The following TRPM2 variants were observed in gnomAD, a reference collection of about 807,000 sequenced individuals.
TRPM2 encodes estrogen-responsive element-associated gene 1 protein.
TRPM2 carries 161 observed loss-of-function variants against 174.0 expected under a neutral mutation model. That is an observed-to-expected ratio of 0.93 (90% CI 0.81 to 1.05). The LOEUF (loss-of-function observed/expected upper bound fraction) is 1.05, where lower values mean the gene tolerates loss of function less well. TRPM2 is among the 50% of genes least tolerant of loss of function. The probability of loss-of-function intolerance (pLI) is 0.00; values close to 1 mark genes in which losing one functional copy is unlikely to be tolerated. For missense variants in TRPM2, 2,057 were observed against 2,038.0 expected (o/e 1.01, Z -0.18); for synonymous variants, 954 against 861.3 (o/e 1.11, Z -1.88).
At chr21:44,359,388 C>G (rs2048148397) in intron 2 of TRPM2, among the ~76,000 whole-genome samples, 1 of 151,958 alleles carries the variant, frequency 6.6e-6, no homozygotes, top group Admixed American at 6.6e-5. Flanking sequence ...TGAGCGTGAC[C>G]TTAGGGGTTT....
chr21:44,436,599 C>T (rs1374141227), intron 28 of TRPM2, among the ~76,000 whole-genome samples: 1 of 115,244 alleles, frequency 8.7e-6, no homozygotes, highest in Non-Finnish European at 1.8e-5. Context: ...CAACCCTGGG[C>T]TGCACTCAGC....
At position 44,395,487 on chromosome 21, in the gene TRPM2, G is replaced by T. The variant is rs140224083; in HGVS notation, c.1868G>T (p.Arg623Leu). Residue 623 changes from arginine (R) to leucine (L), a missense_variant, in exon 12 of 32, where the codon CGT (arginine) becomes CTT (leucine). By Grantham distance (102) the Arg-to-Leu change is moderately radical (BLOSUM62 -2). Transcript: ENST00000397928. Reference protein sequence around the residue: ...GHVTFTMDPIRDLLIWAIVQN... With the variant: ...GHVTFTMDPILDLLIWAIVQN... Reference sequence around the variant, plus strand: ...GTGACCTTCACCATGGACCCCATCCGTGACCTTCTCATTTGGGCCATTGTC... The same window carrying T: ...GTGACCTTCACCATGGACCCCATCCTTGACCTTCTCATTTGGGCCATTGTC... The T allele has an allele frequency of 6.2e-6, 10 of 1,612,954 alleles. No homozygotes were observed. The African/African-American group carries it at 1.1e-4, about 17-fold the overall frequency.
At chr21:44,440,681 G>A (rs1601276513) in intron 30 of TRPM2, 108 bp from the exon 31 acceptor site, 2 of 940,438 alleles carry the variant, frequency 2.1e-6, no homozygotes, top group Admixed American at 1.7e-5. Flanking sequence ...GGTCCTGTGT[G>A]TGCTGGAAGC....
chr21:44,440,739 A>G (rs1426475527), intron 30 of TRPM2, 50 bp from the exon 31 acceptor site: 1 of 1,535,302 alleles, frequency 6.5e-7, no homozygotes, highest in African/African-American at 1.4e-5. Context: ...GGGCCGGGGC[A>G]CCGCTCAGGT....
At chr21:44,428,752 C>G (rs2050921343) in intron 27 of TRPM2, among the ~76,000 whole-genome samples, 1 of 141,704 alleles carries the variant, frequency 7.1e-6, no homozygotes, top group African/African-American at 2.6e-5. Flanking sequence ...AGGTGTGGCT[C>G]TTCCCTGAGG....
At chr21:44,423,465 C>T in intron 22 of TRPM2, 180 bp from the exon 23 acceptor site, 1 of 604,110 alleles carries the variant, frequency 1.7e-6, no homozygotes. Context: ...CCCTCTGGGG[C>T]CCTGGGCAGT....
chr21:44,390,161 T>G (rs935320162), intron 9 of TRPM2, among the ~76,000 whole-genome samples: 1 of 152,122 alleles, frequency 6.6e-6, no homozygotes, highest in African/African-American at 2.4e-5. Flanking sequence ...GTGAGCCACC[T>G]CGCCCAGCCA....
intron 11 of TRPM2, among the ~76,000 whole-genome samples, chr21:44,394,864 G>A (rs897164410): frequency 1.3e-5 from 2 of 152,154 alleles, no homozygotes; most frequent in African/African-American, 4.8e-5. Context: ...TACTTCTGGG[G>A]AGCGTTTCCC....
intron 3 of TRPM2, among the ~76,000 whole-genome samples, chr21:44,365,719 C>A (rs1158009901): frequency 6.6e-6 from 1 of 152,138 alleles, no homozygotes; most frequent in Admixed American, 6.5e-5. Flanking sequence ...CGACAGGGGC[C>A]GGTGGTGTGA....
chr21:44,422,477 G>A, intron 22 of TRPM2: 9 of 1,521,986 alleles, frequency 5.9e-6, no homozygotes, highest in Non-Finnish European at 7.9e-6. Flanking sequence ...GAAAGGAGAT[G>A]CCCAGGCCTG....
intron 5 of TRPM2, among the ~76,000 whole-genome samples, chr21:44,370,087 C>T (rs557330267): frequency 2.9e-4 from 44 of 152,172 alleles, no homozygotes; most frequent in African/African-American, 9.9e-4. Context: ...CAGGTGACCC[C>T]GGACAAACGG....
intron 8 of TRPM2, among the ~76,000 whole-genome samples, chr21:44,379,764 G>T (rs575832204): frequency 1.4e-4 from 21 of 152,202 alleles, no homozygotes; most frequent in African/African-American, 4.8e-4. Context: ...CCTTGACCAG[G>T]GGGGTGGGCT....
At chr21:44,428,528 T>C (rs2050896226) in intron 27 of TRPM2, among the ~76,000 whole-genome samples, 1 of 141,876 alleles carries the variant, frequency 7.0e-6, no homozygotes, top group Non-Finnish European at 1.5e-5. Context: ...GAGGTGTGGC[T>C]CCTCCCTGAG....
intron 2 of TRPM2, among the ~76,000 whole-genome samples, chr21:44,362,359 A>AAAAAAAAAAAAAAAAAAC: frequency 6.6e-6 from 1 of 150,520 alleles, no homozygotes; most frequent in African/African-American, 2.4e-5. Context: ...AAAAAAAAAA[A>AAAAAAAAAAAAAAAAAAC]AAAAAAGCCA....
rs1457044652 is a variant in TRPM2, at chr21:44,391,656, C to T, written c.1794+31C>T. ...TGCTGGTAACGGGGCCCATCCTGGA[C>T]TCGTCTTCGCGGGCTACTGCTATGT... On this transcript the variant is annotated intron_variant, in intron 11 of 31. Transcript: ENST00000397928. This position sits in a 1 kb window ranked among gnomAD's most constrained non-coding sequence, Gnocchi z 5.0. The T allele has an allele frequency of 1.3e-6, 2 of 1,519,708 alleles. No individual in the cohort carries two copies. Among genetic ancestry groups the T allele is most frequent in the South Asian group, 1.2e-5 (1 of 80,510 alleles). The allele number at this position is 1,519,708 out of a possible 1,614,324, so 94.1% of individuals were successfully genotyped here. A position where few individuals can be genotyped will look rare whatever the true frequency, so the allele number is the denominator to read the frequency against.
At position 44,439,483 on chromosome 21, in the gene TRPM2, G is replaced by A. The variant is rs1458757854; in HGVS notation, c.4269+315G>A. Reference sequence around the variant, plus strand: ...GACAGCTGCTTGGAGGCCTGGTGCCGCCCTCCTCCCCACATCCACCCTTGC... The same window carrying A: ...GACAGCTGCTTGGAGGCCTGGTGCCACCCTCCTCCCCACATCCACCCTTGC... On this transcript the variant is annotated intron_variant, in intron 30 of 31. Transcript: ENST00000397928. The surrounding 1 kb of genome is among the most constrained non-coding windows in gnomAD (Gnocchi z 5.1). Among the ~76,000 whole-genome samples the A allele has an allele frequency of 1.7e-4, 26 of 152,006 alleles. No individual in the cohort carries two copies. Among genetic ancestry groups the A allele is most frequent in the Admixed American group, 9.2e-4 (14 of 15,272 alleles).
chr21:44,432,376 C>T lies in TRPM2; in HGVS notation c.3975-2755C>T, dbSNP rs181264684. On this transcript the variant is annotated intron_variant, in intron 27 of 31. Transcript: ENST00000397928. The surrounding 1 kb of genome is among the most constrained non-coding windows in gnomAD (Gnocchi z 4.9). ...TGCACGTGTCTGTGTCTCTTCTGTT[C>T]TTAGGATTATAAATCGTACTGGGTT... Among the ~76,000 whole-genome samples the T allele has an allele frequency of 1.2e-4, 18 of 152,344 alleles. No homozygotes were observed. In the East Asian group the frequency reaches 3.5e-3, roughly 29 times the overall value.
At chr21:44,425,144 C>T in intron 24 of TRPM2, 1 of 570,568 alleles carries the variant, frequency 1.8e-6, no homozygotes, top group Non-Finnish European at 3.1e-6. Context: ...CAATCCCTGA[C>T]CTGACCTGGT....
chr21:44,425,670 C>T lies in TRPM2; in HGVS notation c.3638C>T (p.Ala1213Val), dbSNP rs1418168838. The T allele has an allele frequency of 1.3e-6, 2 of 1,509,744 alleles. No individual in the cohort carries two copies. The highest frequency in any genetic ancestry group is 4.2e-5 in the Admixed American group (2 of 48,096). 93.5% of individuals were successfully genotyped at this position (1,509,744 alleles called of 1,614,324 possible). Residue 1213 changes from alanine (A) to valine (V), a missense_variant and splice_region_variant, in exon 25 of 32, where the codon GCC becomes GTC. Coordinates refer to ENST00000397928, the MANE Select transcript of TRPM2 (RefSeq NM_003307.4). Reference sequence around the variant, plus strand: ...GTCACGTCTTCCTGACTGTCCCCAGCCTCCCAGAAGGCCGCGGAGGAGCCG... The same window carrying T: ...GTCACGTCTTCCTGACTGTCCCCAGTCTCCCAGAAGGCCGCGGAGGAGCCG... Reference protein sequence around the residue: ...FSSEADVPTLASQKAAEEPDA... With the variant: ...FSSEADVPTLVSQKAAEEPDA...
Sources: allele counts gnomAD v4.1 joint callset (sites outside exome capture counted in the v4.1 genomes callset), GRCh38; gene constraint gnomAD v4.1.1; non-coding constraint Gnocchi (gnomAD v3.1); transcripts MANE v1.5; gene names NCBI Gene and HGNC (gene_info 2026-07-23, HGNC 2026-07-21).